Variants in DGKB observed in about 807,000 individuals in gnomAD.
DGKB encodes the protein diacylglycerol kinase beta, also known as 90 kDa diacylglycerol kinase.
DGKB carries 67 observed loss-of-function variants against 114.3 expected under a neutral mutation model. That is an observed-to-expected ratio of 0.59 (90% CI 0.48 to 0.72). The LOEUF is 0.72. Ranked by LOEUF, DGKB falls within the 30% of genes least tolerant of loss-of-function variation. DGKB has a pLI of 0.00. For synonymous variants in DGKB, 398 were observed against 323.1 expected (o/e 1.23, Z -2.49); for missense variants, 907 against 975.2 (o/e 0.93, Z 0.93).
At position 14,729,332 on chromosome 7, in the gene DGKB, C is replaced by G. The variant is rs540539767; in HGVS notation, c.322+6709G>C. On this transcript the variant is annotated intron_variant, in intron 5 of 25. Transcript: ENST00000402815. ...AGAGACCAGGTTTCACCGTGTTAGCCAGGATGGTCTCGATCTCCTGACCTT... is the reference window on the plus strand; with the variant it reads ...AGAGACCAGGTTTCACCGTGTTAGCGAGGATGGTCTCGATCTCCTGACCTT... Among the ~76,000 whole-genome samples, 5 of 151,936 alleles carry G rather than the reference C, an allele frequency of 3.3e-5. No homozygotes were observed. The South Asian group carries it at 8.3e-4, about 25-fold the overall frequency.
intron 17 of DGKB, among the ~76,000 whole-genome samples, chr7:14,588,134 G>A (rs1175678759): frequency 2.0e-5 from 3 of 152,030 alleles, no homozygotes; most frequent in African/African-American, 7.2e-5. Flanking sequence ...TTTAACACTT[G>A]TCACGCTTTT....
chr7:14,547,854 TCAGA>T (rs1794534036), intron 20 of DGKB, among the ~76,000 whole-genome samples: 1 of 152,198 alleles, frequency 6.6e-6, no homozygotes, highest in South Asian at 2.1e-4. Context: ...ATCATTCATG[TCAGA>T]CAGAGGCTTC....
chr7:14,634,473 C>T (rs1563741162), intron 13 of DGKB, among the ~76,000 whole-genome samples: 3 of 121,190 alleles, frequency 2.5e-5, no homozygotes, highest in African/African-American at 9.6e-5. Context: ...ACTATATCTA[C>T]AAAGTGATAC....
intron 1 of DGKB, among the ~76,000 whole-genome samples, chr7:14,857,797 C>A (rs1294125238): frequency 1.3e-5 from 2 of 151,584 alleles, no homozygotes; most frequent in Non-Finnish European, 2.9e-5. Flanking sequence ...TAGTTGGTGC[C>A]TTTTTTGTTA....
At chr7:14,197,783 T>G (rs1785236029) in intron 23 of DGKB, among the ~76,000 whole-genome samples, 1 of 152,146 alleles carries the variant, frequency 6.6e-6, no homozygotes, top group Non-Finnish European at 1.5e-5. Context: ...ATTGTACAGC[T>G]GAGATACACA....
At chr7:14,742,224 T>G (rs879606768) in intron 4 of DGKB, among the ~76,000 whole-genome samples, 1 of 152,218 alleles carries the variant, frequency 6.6e-6, no homozygotes, top group Non-Finnish European at 1.5e-5. Flanking sequence ...TACCTCTGTT[T>G]CTTGAAGGGC....
chr7:14,934,820 G>GTTA lies in DGKB; in HGVS notation c.-188+39873_-188+39875dup, dbSNP rs745478942. Among the ~76,000 whole-genome samples, 232 of 152,244 alleles carry GTTA rather than the reference G, an allele frequency of 1.5e-3. 4 individuals carry two copies. Among genetic ancestry groups the GTTA allele is most frequent in the Non-Finnish European group, 5.0e-4 (34 of 68,014 alleles). On this transcript the variant is annotated intron_variant, in intron 1 of 4. Transcript: ENST00000437998. ...CTAACTTGATTTAAAACTCCATGTG[G>GTTA]TTATTGATCTGTCCTTTGACATCTG...
intron 3 of DGKB, among the ~76,000 whole-genome samples, chr7:14,756,829 T>G (rs1435620503): frequency 6.6e-6 from 1 of 151,744 alleles, no homozygotes; most frequent in East Asian, 1.9e-4. Context: ...GACAAAAGGG[T>G]CTTTTGCAAA....
At chr7:14,518,293 G>C (rs1403967468) in intron 20 of DGKB, among the ~76,000 whole-genome samples, 26 of 152,016 alleles carry the variant, frequency 1.7e-4, no homozygotes, top group Non-Finnish European at 8.8e-5. Flanking sequence ...AAGAATAACA[G>C]ACACTGGGAA....
chr7:14,320,482 T>G (rs1807548125), intron 23 of DGKB, among the ~76,000 whole-genome samples: 1 of 152,160 alleles, frequency 6.6e-6, no homozygotes. Flanking sequence ...CTTATTGAAG[T>G]GTGTCATCAA....
chr7:14,622,852 C>T (rs984702885), intron 14 of DGKB, among the ~76,000 whole-genome samples: 1 of 152,146 alleles, frequency 6.6e-6, no homozygotes, highest in African/African-American at 2.4e-5. Context: ...ATTCTGCAGT[C>T]TGCTGGAAAA....
intron 15 of DGKB, 187 bp downstream of exon 15, chr7:14,621,191 C>T: frequency 4.2e-6 from 2 of 473,742 alleles, no homozygotes; most frequent in South Asian, 6.9e-5. Context: ...TTAATTTAAC[C>T]AGAATGTTAC....
In DGKB at chr7:14,764,787, TA is replaced by T. The variant is rs1586321221; in HGVS notation, c.71-7057del. Among the ~76,000 whole-genome samples, 3 of 152,062 alleles carry T rather than the reference TA, an allele frequency of 2.0e-5. No homozygotes were observed. In the East Asian group the frequency reaches 5.8e-4, roughly 29 times the overall value. ...AAAAAAAAACCTCATGAGAACATTTTATTTAAAGATTTATTTACTCTCACCT... is the reference window on the plus strand; with the variant it reads ...AAAAAAAAACCTCATGAGAACATTTTTTTAAAGATTTATTTACTCTCACCT... On this transcript the variant is annotated intron_variant, in intron 2 of 25. Coordinates refer to ENST00000402815, the MANE Select transcript of DGKB (RefSeq NM_001350709.2).
intron 23 of DGKB, among the ~76,000 whole-genome samples, chr7:14,210,631 G>A: frequency 6.6e-6 from 1 of 152,004 alleles, no homozygotes; most frequent in East Asian, 1.9e-4. Context: ...GAGATCATCA[G>A]TCCATTAGTC....
chr7:14,875,734 T>A (rs1042691037), intron 1 of DGKB, among the ~76,000 whole-genome samples: 2 of 152,172 alleles, frequency 1.3e-5, no homozygotes, highest in Non-Finnish European at 2.9e-5. Flanking sequence ...CTAACCCACG[T>A]TGGGCCACAT....
At chr7:14,191,042 C>A (rs1052580049) in intron 23 of DGKB, 2 of 154,698 alleles carry the variant, frequency 1.3e-5, no homozygotes, top group South Asian at 1.9e-4. Flanking sequence ...AATTTGAGAC[C>A]AGCAGTTACT....
chr7:14,689,211 T>TTTATTTTTA (rs1563917698), intron 9 of DGKB, among the ~76,000 whole-genome samples: 1 of 129,700 alleles, frequency 7.7e-6, no homozygotes, highest in South Asian at 2.8e-4. Context: ...TTTTTTTTTT[T>TTTATTTTTA]TTTTTTTTTT....
chr7:14,625,064 G>T (rs1808334177), intron 14 of DGKB, among the ~76,000 whole-genome samples: 1 of 151,936 alleles, frequency 6.6e-6, no homozygotes, highest in Non-Finnish European at 1.5e-5. Context: ...CAACTTATGA[G>T]ATTTCATTTA....
intron 21 of DGKB, among the ~76,000 whole-genome samples, chr7:14,379,188 G>A (rs528523727): frequency 5.3e-5 from 8 of 151,900 alleles, no homozygotes; most frequent in African/African-American, 1.9e-4. Context: ...TCATTTCTCT[G>A]GCTTCATTTT....
Sources: allele counts gnomAD v4.1 joint callset (sites outside exome capture counted in the v4.1 genomes callset), GRCh38; gene constraint gnomAD v4.1.1; transcripts MANE v1.5; gene names NCBI Gene and HGNC (gene_info 2026-07-23, HGNC 2026-07-21).